TTC7B: variants seen among roughly 807,000 people sequenced by gnomAD.
TTC7B encodes the protein tetratricopeptide repeat protein 7B.
TTC7B carries 28 observed loss-of-function variants against 106.8 expected under a neutral mutation model. That is an observed-to-expected ratio of 0.26 (90% CI 0.19 to 0.36). TTC7B has a LOEUF of 0.36. Ranked by LOEUF, TTC7B falls within the 10% of genes least tolerant of loss-of-function variation. The probability of loss-of-function intolerance (pLI) is 1.00; values close to 1 mark genes in which losing one functional copy is unlikely to be tolerated. For synonymous variants in TTC7B, 405 were observed against 430.6 expected, an observed-to-expected ratio of 0.94 and a Z score of 0.74; for missense variants, 862 against 1,076.4, an observed-to-expected ratio of 0.80 and a Z score of 2.79.
chr14:90,798,075 T>C lies in TTC7B; in HGVS notation c.122-11747A>G, dbSNP rs565873858. ...GCACGCAGAGGCTTAGAAAAGGGCT[T>C]ACGCACTTTTTCCCTCTTGCTTCTC... On this transcript the variant is annotated intron_variant, in intron 1 of 19. Coordinates refer to ENST00000328459, the MANE Select transcript of TTC7B (RefSeq NM_001010854.2). 1.3e-4 allele frequency among the ~76,000 whole-genome samples: 20 copies of C among 152,230 alleles called. No homozygotes were observed. The South Asian group carries it at 3.3e-3, about 25-fold the overall frequency.
At chr14:90,683,469 G>A (rs899623018) in intron 7 of TTC7B, among the ~76,000 whole-genome samples, 10 of 152,032 alleles carry the variant, frequency 6.6e-5, no homozygotes, top group African/African-American at 1.5e-4. Context: ...ATCTACTGTC[G>A]ATCCCAGGTT....
At chr14:90,651,837 C>T (rs1276699779) in intron 13 of TTC7B, among the ~76,000 whole-genome samples, 3 of 152,150 alleles carry the variant, frequency 2.0e-5, no homozygotes, top group East Asian at 1.9e-4. Flanking sequence ...AAAAGGCATA[C>T]GGACACCATG....
intron 2 of TTC7B, among the ~76,000 whole-genome samples, chr14:90,785,904 C>G (rs2140040674): frequency 6.6e-6 from 1 of 152,310 alleles, no homozygotes; most frequent in East Asian, 1.9e-4. Context: ...AGCTTTAGTT[C>G]AAGCGTCTGA....
chr14:90,742,813 T>C lies in TTC7B; in HGVS notation c.576+1979A>G, dbSNP rs1889820366. ...GTGTTGTGAGTGAACATAACAGAAG[T>C]GTATTCAGATCTACCAATTCCTACA... On this transcript the variant is annotated intron_variant, in intron 4 of 19. Coordinates refer to ENST00000328459, the MANE Select transcript of TTC7B (RefSeq NM_001010854.2). The surrounding 1 kb of genome is among the most constrained non-coding windows in gnomAD (Gnocchi z 4.1). Among the ~76,000 whole-genome samples, 1 of 152,190 alleles carries C rather than the reference T, an allele frequency of 6.6e-6. No homozygotes were observed. The highest frequency in any genetic ancestry group is 1.5e-5 in the Non-Finnish European group (1 of 68,050).
chr14:90,653,635 C>G (rs756364450), intron 12 of TTC7B, among the ~76,000 whole-genome samples: 1 of 152,202 alleles, frequency 6.6e-6, no homozygotes, highest in Admixed American at 6.5e-5. Context: ...CTGTTTATGG[C>G]TGGAACTGCA....
chr14:90,572,879 C>T (rs987213626), intron 19 of TTC7B, among the ~76,000 whole-genome samples: 2 of 152,204 alleles, frequency 1.3e-5, no homozygotes, highest in Non-Finnish European at 2.9e-5. Context: ...ACCCACCACA[C>T]CTAAGACCCC....
At chr14:90,671,402 A>G (rs1886626139) in intron 9 of TTC7B, among the ~76,000 whole-genome samples, 1 of 152,216 alleles carries the variant, frequency 6.6e-6, no homozygotes, top group Non-Finnish European at 1.5e-5. Context: ...TGCCTTGCCT[A>G]TGGAGGGGGG....
At chr14:90,587,945 C>T (rs1453389327) in intron 18 of TTC7B, among the ~76,000 whole-genome samples, 1 of 152,172 alleles carries the variant, frequency 6.6e-6, no homozygotes, top group African/African-American at 2.4e-5. Context: ...GGTATTTATA[C>T]CTCATAAGGT....
At chr14:90,773,489 C>T (rs576302640) in intron 3 of TTC7B, among the ~76,000 whole-genome samples, 1 of 152,246 alleles carries the variant, frequency 6.6e-6, no homozygotes, top group South Asian at 2.1e-4. Flanking sequence ...GCCTCTTAAC[C>T]CCTCCGCAGG....
chr14:90,644,226 CA>C lies in TTC7B; in HGVS notation c.1591-19del. The C allele has an allele frequency of 6.5e-7, 1 of 1,547,804 alleles. No individual in the cohort carries two copies. The highest frequency in any genetic ancestry group is 8.7e-7 in the Non-Finnish European group (1 of 1,153,422). On this transcript the variant is annotated intron_variant, in intron 14 of 19. Transcript: ENST00000328459. Reference sequence around the variant, plus strand: ...TCTGGGATCTGGTTTAAAACAAAACCAAAAAAGGTTTTACATACACACATGC... The same window carrying C: ...TCTGGGATCTGGTTTAAAACAAAACCAAAAAGGTTTTACATACACACATGC...
At chr14:90,749,169 C>T (rs1890059324) in intron 3 of TTC7B, among the ~76,000 whole-genome samples, 1 of 152,016 alleles carries the variant, frequency 6.6e-6, no homozygotes, top group Admixed American at 6.6e-5. Flanking sequence ...AAGATTTTAT[C>T]TTTATCACTG....
intron 9 of TTC7B, among the ~76,000 whole-genome samples, chr14:90,664,742 TGGTTC>T (rs1462200686): frequency 1.5e-4 from 23 of 152,344 alleles, no homozygotes; most frequent in African/African-American, 5.3e-4. Flanking sequence ...GTAAAGGCAC[TGGTTC>T]TGGGGCCAGG....
At chr14:90,666,148 C>A (rs1886400282) in intron 9 of TTC7B, among the ~76,000 whole-genome samples, 1 of 152,168 alleles carries the variant, frequency 6.6e-6, no homozygotes, top group African/African-American at 2.4e-5. Flanking sequence ...CAGTTCAGAG[C>A]TCTTACTCCT....
At position 90,543,714 on chromosome 14, in the gene TTC7B, C is replaced by A. The variant is rs74928461; in HGVS notation, c.2311-2125G>T. 5.3e-5 allele frequency among the ~76,000 whole-genome samples: 8 copies of A among 152,346 alleles called. No homozygotes were observed. The East Asian group carries it at 1.5e-3, about 29-fold the overall frequency. On this transcript the variant is annotated intron_variant, in intron 19 of 19. Coordinates refer to ENST00000328459, the MANE Select transcript of TTC7B (RefSeq NM_001010854.2). ...GAGAAGCCTGACATCTTTACAATGT[C>A]TAGTCTTCCCACTGAGGAATGAGTT... is the stretch of plus-strand genomic sequence containing the variant.
At chr14:90,571,736 A>T (rs570907985) in intron 19 of TTC7B, among the ~76,000 whole-genome samples, 2 of 152,364 alleles carry the variant, frequency 1.3e-5, no homozygotes, top group East Asian at 3.9e-4. Context: ...AGTCTATTTC[A>T]TCAGCTTAAT....
intron 3 of TTC7B, among the ~76,000 whole-genome samples, chr14:90,749,878 C>T (rs942882072): frequency 5.9e-5 from 9 of 152,090 alleles, no homozygotes; most frequent in African/African-American, 2.2e-4. Context: ...CTATTTTTAC[C>T]ATCCACGTCT....
At chr14:90,679,355 C>T (rs1057268186) in intron 8 of TTC7B, among the ~76,000 whole-genome samples, 1 of 152,292 alleles carries the variant, frequency 6.6e-6, no homozygotes, top group East Asian at 1.9e-4. Flanking sequence ...CGCGCATGTA[C>T]GTTATTATGC....
At position 90,655,065 on chromosome 14, in the gene TTC7B, C is replaced by T. The variant is rs1885890502; in HGVS notation, c.1387G>A (p.Glu463Lys). Residue 463 changes from glutamate (E) to lysine (K), a missense_variant, in exon 12 of 20, where the codon GAG (glutamate) becomes AAG (lysine). Glu to Lys is a moderately conservative substitution (Grantham distance 56). Coordinates refer to ENST00000328459, the MANE Select transcript of TTC7B (RefSeq NM_001010854.2). Reference sequence around the variant, plus strand: ...TTGGCCTTGAACTCTGACGTTTTCTCTCCCACATCAACGACAGTTTTGGCA... The same window carrying T: ...TTGGCCTTGAACTCTGACGTTTTCTTTCCCACATCAACGACAGTTTTGGCA... ...KFAKTVVDVG[E>K]KTSEFKAKGY... 2 of 1,614,234 alleles carry T rather than the reference C, an allele frequency of 1.2e-6. No homozygotes were observed. Among genetic ancestry groups the T allele is most frequent in the Non-Finnish European group, 1.7e-6 (2 of 1,180,038 alleles).
At chr14:90,712,400 T>A (rs1888484310) in intron 5 of TTC7B, among the ~76,000 whole-genome samples, 1 of 152,126 alleles carries the variant, frequency 6.6e-6, no homozygotes, top group South Asian at 2.1e-4. Context: ...TCCTAAGCAA[T>A]CTATTACAAA....
Sources: gnomAD v4.1 joint callset for allele counts (sites outside exome capture counted in the v4.1 genomes callset) on GRCh38, gnomAD v4.1.1 for gene constraint, Gnocchi (gnomAD v3.1) non-coding constraint, MANE v1.5 for transcripts, NCBI Gene and HGNC (gene_info 2026-07-23, HGNC 2026-07-21) for gene names.